The following ATP6V1G3 variants were observed in gnomAD, a reference collection of about 807,000 sequenced individuals.
The protein encoded by ATP6V1G3 is V-type proton ATPase subunit G 3.
A neutral mutation model predicts 9.3 loss-of-function variants in ATP6V1G3; 9 were observed. The observed-to-expected ratio is 0.97, with a 90% CI of 0.59 to 1.69. The LOEUF is 1.69. Among genes scored for constraint, ATP6V1G3 ranks in the 40% most tolerant of loss-of-function variants. The pLI is 0.00. For synonymous variants in ATP6V1G3, 43 were observed against 43.8 expected (o/e 0.98, Z 0.07); for missense variants, 133 against 139.0 (o/e 0.96, Z 0.22).
chr1:198,534,713 G>A (rs1359877548), intron 1 of ATP6V1G3, among the ~76,000 whole-genome samples: 3 of 152,152 alleles, frequency 2.0e-5, no homozygotes, highest in South Asian at 2.1e-4. Context: ...TTTATTTGCT[G>A]TATAAACAAA....
chr1:198,533,350 T>G (rs4915299), intron 1 of ATP6V1G3, among the ~76,000 whole-genome samples: 13,291 of 147,232 alleles, frequency 0.09, 742 homozygotes, highest in South Asian at 0.24. Flanking sequence ...AAATAGAAAA[T>G]ACACTATAGG....
intron 1 of ATP6V1G3, among the ~76,000 whole-genome samples, chr1:198,532,989 GACATAAT>G (rs1200623050): frequency 1.3e-5 from 2 of 152,266 alleles, no homozygotes; most frequent in African/African-American, 4.8e-5. Flanking sequence ...GCCAAGGCAT[GACATAAT>G]ACTACTTGTA....
chr1:198,532,599 G>C (rs904152221), intron 1 of ATP6V1G3, among the ~76,000 whole-genome samples: 2 of 152,158 alleles, frequency 1.3e-5, no homozygotes, highest in African/African-American at 4.8e-5. Context: ...GAAGAAAGGA[G>C]AATAAGGGGT....
chr1:198,527,807 T>C (rs1357788321), intron 2 of ATP6V1G3, among the ~76,000 whole-genome samples: 2 of 152,210 alleles, frequency 1.3e-5, no homozygotes, highest in East Asian at 3.9e-4. Context: ...ATATAAAATA[T>C]ATCAGATAAT....
At chr1:198,537,568 T>A (rs1406116138) in intron 1 of ATP6V1G3, among the ~76,000 whole-genome samples, 1 of 152,220 alleles carries the variant, frequency 6.6e-6, no homozygotes, top group African/African-American at 2.4e-5. Flanking sequence ...TGTGACTTCT[T>A]GGTCCTCATT....
chr1:198,537,305 T>C (rs960150421), intron 1 of ATP6V1G3, among the ~76,000 whole-genome samples: 1 of 152,212 alleles, frequency 6.6e-6, no homozygotes, highest in Non-Finnish European at 1.5e-5. Context: ...AATATATTAA[T>C]ATTTTTTCAG....
intron 2 of ATP6V1G3, 88 bp downstream of exon 2, chr1:198,528,993 T>A: frequency 1.9e-6 from 1 of 527,132 alleles, no homozygotes; most frequent in Non-Finnish European, 3.3e-6. Context: ...GCAGCATATT[T>A]TTTTCTGTCA....
intron 1 of ATP6V1G3, among the ~76,000 whole-genome samples, chr1:198,540,218 A>G (rs543576478): frequency 2.0e-5 from 3 of 152,312 alleles, no homozygotes; most frequent in Non-Finnish European, 4.4e-5. Flanking sequence ...AAAAATAAGT[A>G]ATTTGCTCAG....
At chr1:198,531,893 T>C (rs1659914799) in intron 1 of ATP6V1G3, among the ~76,000 whole-genome samples, 2 of 151,984 alleles carry the variant, frequency 1.3e-5, no homozygotes, top group South Asian at 4.1e-4. Context: ...TTGACAAAAG[T>C]AGTTGTTTAA....
In ATP6V1G3 at chr1:198,538,110, G is replaced by T. The variant is rs187992030; in HGVS notation, c.82+2459C>A. 2.0e-4 allele frequency among the ~76,000 whole-genome samples: 31 copies of T among 152,290 alleles called. No individual in the cohort carries two copies. In the East Asian group the frequency reaches 5.2e-3, roughly 26 times the overall value. Reference sequence around the variant, plus strand: ...TGAAAGTCAAAATATTTTCCAGAATGTCTTTAAAGCCTGGGTATTTACTAT... The same window carrying T: ...TGAAAGTCAAAATATTTTCCAGAATTTCTTTAAAGCCTGGGTATTTACTAT... On this transcript the variant is annotated intron_variant, in intron 1 of 2. Transcript: ENST00000367382.
intron 2 of ATP6V1G3, 98 bp downstream of exon 2, chr1:198,528,983 G>T: frequency 2.1e-6 from 1 of 466,514 alleles, no homozygotes; most frequent in South Asian, 2.4e-5. Flanking sequence ...CTGCTCAATT[G>T]CAGCATATTT....
chr1:198,538,906 A>AT (rs56862901), intron 1 of ATP6V1G3, among the ~76,000 whole-genome samples: 1 of 148,662 alleles, frequency 6.7e-6, no homozygotes, highest in Non-Finnish European at 1.5e-5. Flanking sequence ...AAAAAAAAAA[A>AT]GAAGAAGAAG....
intron 2 of ATP6V1G3, among the ~76,000 whole-genome samples, chr1:198,528,171 T>G (rs959607678): frequency 6.6e-6 from 1 of 152,152 alleles, no homozygotes; most frequent in East Asian, 1.9e-4. Flanking sequence ...GATAAAAATT[T>G]TTATGTTTGC....
Position 198,529,200 on chromosome 1 carries a change from ATATATAT to A in ATP6V1G3, c.83-26_83-20del. 1 of 379,814 alleles carries A rather than the reference ATATATAT, an allele frequency of 2.6e-6. No individual in the cohort carries two copies. Among genetic ancestry groups the A allele is most frequent in the Middle Eastern group, 5.4e-4 (1 of 1,850 alleles). 23.5% of individuals were successfully genotyped at this position (379,814 alleles called of 1,614,324 possible). A position where few individuals can be genotyped will look rare whatever the true frequency, so the allele number is the denominator to read the frequency against. On this transcript the variant is annotated intron_variant, in intron 1 of 2. Coordinates refer to ENST00000367382, the MANE Select transcript of ATP6V1G3 (RefSeq NM_001376861.1). ...CCTTTTCCTGAAAATTAACAAATAT[ATATATAT>A]ATATATATAATTATATATATCAATA...
At chr1:198,532,793 G>A (rs1659955940) in intron 1 of ATP6V1G3, among the ~76,000 whole-genome samples, 1 of 152,118 alleles carries the variant, frequency 6.6e-6, no homozygotes, top group African/African-American at 2.4e-5. Flanking sequence ...TGAGGTGGGA[G>A]GATATTTGCC....
Position 198,523,253 on chromosome 1 carries a change from T to C in ATP6V1G3, c.*138A>G, listed in dbSNP as rs555692844. ...TTTGTTTTGTTTAATTCAGTGCCGA[T>C]GTATGAGTTATGTCACATTTCCTGT... On this transcript the variant is annotated 3_prime_UTR_variant, in exon 3 of 3. Coordinates refer to ENST00000367382, the MANE Select transcript of ATP6V1G3 (RefSeq NM_001376861.1). 13 of 804,540 alleles carry C rather than the reference T, an allele frequency of 1.6e-5. No individual in the cohort carries two copies. The highest frequency in any genetic ancestry group is 1.4e-4 in the South Asian group (8 of 56,678). The allele number at this position is 804,540 out of a possible 1,614,324, so 49.8% of individuals were successfully genotyped here.
chr1:198,531,859 T>G (rs910476119), intron 1 of ATP6V1G3, among the ~76,000 whole-genome samples: 1 of 151,972 alleles, frequency 6.6e-6, no homozygotes, highest in African/African-American at 2.4e-5. Context: ...TTGGAGGGAT[T>G]AGAAAAAAAT....
intron 1 of ATP6V1G3, among the ~76,000 whole-genome samples, chr1:198,529,912 C>A (rs1410787404): frequency 1.3e-5 from 2 of 152,006 alleles, no homozygotes; most frequent in African/African-American, 4.8e-5. Context: ...CTTAAGCTAG[C>A]AGACAACATA....
At chr1:198,532,449 A>G (rs1382561472) in intron 1 of ATP6V1G3, among the ~76,000 whole-genome samples, 1 of 152,200 alleles carries the variant, frequency 6.6e-6, no homozygotes, top group Admixed American at 6.5e-5. Flanking sequence ...ATTCTGTGCC[A>G]CACACTATTG....
Sources: gnomAD v4.1 joint callset for allele counts (sites outside exome capture counted in the v4.1 genomes callset) on GRCh38, gnomAD v4.1.1 for gene constraint, MANE v1.5 for transcripts, NCBI Gene and HGNC (gene_info 2026-07-23, HGNC 2026-07-21) for gene names.